Variants in SULT2B1 observed in about 807,000 individuals in gnomAD.
SULT2B1 encodes sulfotransferase family 2B member 1, also known as sulfotransferase 2B1.
In SULT2B1, 16 loss-of-function variants were observed where a neutral mutation model predicts 33.2. The ratio of observed to expected loss-of-function variants is 0.48; its 90% CI spans 0.33 to 0.73. The LOEUF (loss-of-function observed/expected upper bound fraction) is 0.73, where lower values mean the gene tolerates loss of function less well. SULT2B1 is among the 30% of genes least tolerant of loss of function. SULT2B1 has a pLI of 0.02. For synonymous variants in SULT2B1, 186 were observed against 200.5 expected (o/e 0.93, Z 0.61); for missense variants, 500 against 506.0 (o/e 0.99, Z 0.11).
rs1033680296 is a variant in SULT2B1 at position 48,587,134 on chromosome 19, C to A, written c.215-95C>A. 4 of 920,276 alleles carry A rather than the reference C, an allele frequency of 4.3e-6. No individual in the cohort carries two copies. The Admixed American group carries it at 9.4e-5, about 22-fold the overall frequency. The allele number at this position is 920,276 out of a possible 1,614,324, so 57.0% of individuals were successfully genotyped here. A position where few individuals can be genotyped will look rare whatever the true frequency, so the allele number is the denominator to read the frequency against. On this transcript the variant is annotated intron_variant, in intron 2 of 6. Coordinates refer to ENST00000201586, the MANE Select transcript of SULT2B1 (RefSeq NM_177973.2). ...CTTAAAAAAAAATAATAAAAGGTGG[C>A]AAATTGCTCAATAAGTGCTGTTGTG...
intron 5 of SULT2B1, among the ~76,000 whole-genome samples, chr19:48,594,131 G>T (rs1973680826): frequency 1.3e-5 from 2 of 151,686 alleles, no homozygotes; most frequent in Non-Finnish European, 2.9e-5. Context: ...CATGGTGGCG[G>T]GCGCCTGTAG....
chr19:48,567,746 G>GCA, intron 1 of SULT2B1, among the ~76,000 whole-genome samples: 1 of 151,370 alleles, frequency 6.6e-6, no homozygotes, highest in African/African-American at 2.4e-5. Context: ...GAAGTGGGAG[G>GCA]GTCGCTTGAG....
At chr19:48,587,641 C>T (rs527883211) in intron 3 of SULT2B1, among the ~76,000 whole-genome samples, 1 of 152,230 alleles carries the variant, frequency 6.6e-6, no homozygotes, top group African/African-American at 2.4e-5. Context: ...CCTGTAGTCC[C>T]AGCACTTTGG....
chr19:48,571,094 T>G (rs1280497695), intron 1 of SULT2B1, among the ~76,000 whole-genome samples: 1 of 152,024 alleles, frequency 6.6e-6, no homozygotes, highest in Non-Finnish European at 1.5e-5. Flanking sequence ...AGATCATAGC[T>G]CCCTGTAGCC....
At chr19:48,561,389 A>G (rs1973176113) in intron 1 of SULT2B1, among the ~76,000 whole-genome samples, 1 of 152,136 alleles carries the variant, frequency 6.6e-6, no homozygotes, top group Admixed American at 6.6e-5. Flanking sequence ...AGATCGTGCC[A>G]TTGCACTCCA....
chr19:48,563,329 G>A (rs770720298), intron 1 of SULT2B1, among the ~76,000 whole-genome samples: 1 of 152,104 alleles, frequency 6.6e-6, no homozygotes, highest in Admixed American at 6.6e-5. Flanking sequence ...AAATGAGAAC[G>A]CCGGTTCCCA....
chr19:48,555,589 T>TCTCTCTCTCTCTC (rs58997933), intron 1 of SULT2B1, among the ~76,000 whole-genome samples: 24 of 146,318 alleles, frequency 1.6e-4, no homozygotes, highest in African/African-American at 2.3e-4. Context: ...TCTCTCTCTC[T>TCTCTCTCTCTCTC]TTTGAGACAG....
chr19:48,581,071 T>TTATTTCCCAGGCTGGAGTGCAATG (rs1470999379), intron 2 of SULT2B1, among the ~76,000 whole-genome samples: 12 of 129,166 alleles, frequency 9.3e-5, no homozygotes, highest in Non-Finnish European at 6.5e-5. Context: ...AGTTTCACTC[T>TTATTTCCCAGGCTGGAGTGCAATG]TATTTCCCAG....
chr19:48,576,004 G>T lies in SULT2B1; in HGVS notation c.135G>T (p.Ser45=), dbSNP rs1163613849. ...KGVPFPVGLY[S]LESISLAENT... is the part of the protein sequence containing the mutation. ...TCCCCTTCCCCGTCGGCCTGTACTC[G>T]CTCGAGAGCATCAGCTTGGCGGAGA... The change falls in exon 2 of 7, where the codon TCG becomes TCT. Residue 45 remains serine (S), a synonymous_variant. Transcript: ENST00000201586. The T allele has an allele frequency of 6.2e-7, 1 of 1,613,816 alleles. No individual in the cohort carries two copies. The highest frequency in any genetic ancestry group is 8.5e-7 in the Non-Finnish European group (1 of 1,179,978).
In SULT2B1 at chr19:48,571,649, C is replaced by CAA. The variant is rs1243468644; in HGVS notation, c.72-4291_72-4290insAA. Among the ~76,000 whole-genome samples the CAA allele has an allele frequency of 1.2e-3, 173 of 150,430 alleles. 2 individuals are homozygous for CAA. Among genetic ancestry groups the CAA allele is most frequent in the Non-Finnish European group, 1.4e-3 (93 of 67,738 alleles). Reference sequence around the variant, plus strand: ...ACAGAACAATAACAAAAGAAAAAAACACCAGATTTTTTTAAATTCCCAGGC... The same window carrying CAA: ...ACAGAACAATAACAAAAGAAAAAAACAAACCAGATTTTTTTAAATTCCCAGGC... On this transcript the variant is annotated intron_variant, in intron 1 of 6. Coordinates refer to ENST00000201586, the MANE Select transcript of SULT2B1 (RefSeq NM_177973.2).
chr19:48,553,604 C>T (rs929499174), intron 1 of SULT2B1, among the ~76,000 whole-genome samples: 6 of 152,166 alleles, frequency 3.9e-5, no homozygotes, highest in African/African-American at 1.4e-4. Context: ...TGGGCCACCA[C>T]GCCTGGCCGC....
chr19:48,583,018 G>A (rs1468604639), intron 2 of SULT2B1, among the ~76,000 whole-genome samples: 2 of 147,480 alleles, frequency 1.4e-5, no homozygotes, highest in East Asian at 1.9e-4. Flanking sequence ...AGGCGTGGTC[G>A]TGCATGCCTG....
chr19:48,565,732 C>T (rs780013125), intron 1 of SULT2B1, among the ~76,000 whole-genome samples: 1 of 151,614 alleles, frequency 6.6e-6, no homozygotes, highest in Non-Finnish European at 1.5e-5. Flanking sequence ...CAGTAAACCA[C>T]ACAAATCTAA....
At chr19:48,580,049 G>C (rs777856536) in intron 2 of SULT2B1, among the ~76,000 whole-genome samples, 1 of 151,378 alleles carries the variant, frequency 6.6e-6, no homozygotes, top group African/African-American at 2.4e-5. Flanking sequence ...TGAGCCTCCT[G>C]AGTAGCTGGG....
intron 3 of SULT2B1, among the ~76,000 whole-genome samples, chr19:48,590,268 T>C (rs1319939919): frequency 6.6e-6 from 1 of 151,790 alleles, no homozygotes; most frequent in Non-Finnish European, 1.5e-5. Context: ...GGATTACAGG[T>C]GTGAGCCACA....
chr19:48,569,867 T>C (rs1281777780), intron 1 of SULT2B1, among the ~76,000 whole-genome samples: 3 of 152,048 alleles, frequency 2.0e-5, no homozygotes, highest in African/African-American at 7.2e-5. Flanking sequence ...GGTTTCGCCA[T>C]GTTGCCGAGG....
chr19:48,575,773 G>T (rs1568408136), intron 1 of SULT2B1, 168 bp from the exon 2 acceptor site: 2 of 1,260,534 alleles, frequency 1.6e-6, no homozygotes, highest in African/African-American at 1.5e-5. Flanking sequence ...GTGCCACTGC[G>T]CCTGACCAGC....
chr19:48,563,108 T>C (rs575745252), intron 1 of SULT2B1, among the ~76,000 whole-genome samples: 1 of 152,200 alleles, frequency 6.6e-6, no homozygotes, highest in East Asian at 1.9e-4. Context: ...GGAGACAGGG[T>C]CTTGCTATGT....
chr19:48,573,888 G>T (rs1211554245), intron 1 of SULT2B1, among the ~76,000 whole-genome samples: 5 of 152,198 alleles, frequency 3.3e-5, no homozygotes, highest in African/African-American at 1.2e-4. Context: ...TAGAGTCAGG[G>T]TCTCACTCTG....
Sources: allele counts gnomAD v4.1 joint callset (sites outside exome capture counted in the v4.1 genomes callset), GRCh38; gene constraint gnomAD v4.1.1; transcripts MANE v1.5; gene names NCBI Gene and HGNC (gene_info 2026-07-23, HGNC 2026-07-21).